Variants in SLC25A13 observed in about 807,000 individuals in gnomAD.
The protein encoded by SLC25A13 is electrogenic aspartate/glutamate antiporter SLC25A13, mitochondrial.
Under a neutral mutation model 85.5 loss-of-function variants are expected in SLC25A13, and 70 were observed. The ratio of observed to expected loss-of-function variants is 0.82; its 90% CI spans 0.68 to 1.00. The LOEUF is 1.00. Among genes scored for constraint, SLC25A13 ranks in the 50% least tolerant of loss-of-function variants. The probability of loss-of-function intolerance (pLI) is 0.00; values close to 1 mark genes in which losing one functional copy is unlikely to be tolerated. For missense variants in SLC25A13, 765 were observed against 819.8 expected, an observed-to-expected ratio of 0.93 and a Z score of 0.82; for synonymous variants, 259 against 288.7, an observed-to-expected ratio of 0.90 and a Z score of 1.04.
chr7:96,303,101 T>G (rs774138510), intron 1 of SLC25A13, among the ~76,000 whole-genome samples: 1 of 152,122 alleles, frequency 6.6e-6, no homozygotes, highest in East Asian at 1.9e-4. Context: ...GAAATTACCA[T>G]GTGTGGGTGG....
In SLC25A13 at chr7:96,296,895, G is replaced by A; in HGVS notation, c.69+3C>T. ...GAAACAAAATAGATTCCTTTATACT[G>A]ACCTTCAAAAATATTGTTCTAAGCT... On this transcript the variant is annotated splice_donor_region_variant and intron_variant, in intron 2 of 17. Coordinates refer to ENST00000265631, the MANE Select transcript of SLC25A13 (RefSeq NM_014251.3). The A allele has an allele frequency of 1.2e-6, 2 of 1,611,884 alleles. No individual in the cohort carries two copies. Among genetic ancestry groups the A allele is most frequent in the Non-Finnish European group, 1.7e-6 (2 of 1,178,148 alleles).
At chr7:96,121,566 T>A in intron 17 of SLC25A13, 89 bp downstream of exon 17, 1 of 1,436,294 alleles carries the variant, frequency 7.0e-7, no homozygotes, top group Non-Finnish European at 9.8e-7. Context: ...TCTATTTTAT[T>A]ATAGAGACTA....
At chr7:96,190,250 A>G (rs1794794022) in intron 7 of SLC25A13, among the ~76,000 whole-genome samples, 1 of 151,888 alleles carries the variant, frequency 6.6e-6, no homozygotes, top group South Asian at 2.1e-4. Flanking sequence ...ATGCCCTGCT[A>G]ATTTTTTTAT....
intron 13 of SLC25A13, among the ~76,000 whole-genome samples, chr7:96,166,675 A>C (rs1584399822): frequency 6.6e-6 from 1 of 152,260 alleles, no homozygotes; most frequent in Middle Eastern, 3.4e-3. Context: ...TACATACATT[A>C]TTTTTTATTT....
At chr7:96,298,063 A>C (rs1470717332) in intron 1 of SLC25A13, among the ~76,000 whole-genome samples, 1 of 152,194 alleles carries the variant, frequency 6.6e-6, no homozygotes, top group Non-Finnish European at 1.5e-5. Context: ...AAACATCATG[A>C]GACTGGGTTC....
At chr7:96,226,701 C>T (rs1016482339) in intron 4 of SLC25A13, among the ~76,000 whole-genome samples, 4 of 151,824 alleles carry the variant, frequency 2.6e-5, no homozygotes, top group Admixed American at 2.6e-4. Flanking sequence ...TGTTGACATT[C>T]GAAACACTAA....
At chr7:96,272,749 A>T (rs1395800874) in intron 3 of SLC25A13, among the ~76,000 whole-genome samples, 1 of 152,240 alleles carries the variant, frequency 6.6e-6, no homozygotes, top group Non-Finnish European at 1.5e-5. Context: ...TTATGTTGAT[A>T]AAAAAGATTA....
intron 17 of SLC25A13, 32 bp from the exon 18 acceptor site, chr7:96,121,409 T>C (rs777519947): frequency 4.3e-6 from 7 of 1,611,786 alleles, no homozygotes; most frequent in Admixed American, 3.3e-5. Context: ...TAAGAAGCTG[T>C]ATTTTTTGTT....
At chr7:96,287,248 C>T (rs1037254285) in intron 2 of SLC25A13, among the ~76,000 whole-genome samples, 3 of 152,158 alleles carry the variant, frequency 2.0e-5, no homozygotes, top group Non-Finnish European at 2.9e-5. Flanking sequence ...ACTATCCAGG[C>T]CTGGTGAGAT....
intron 9 of SLC25A13, among the ~76,000 whole-genome samples, chr7:96,185,990 T>C (rs532711016): frequency 6.6e-6 from 1 of 152,198 alleles, no homozygotes; most frequent in Non-Finnish European, 1.5e-5. Flanking sequence ...TTTTGGTTTG[T>C]ATGTATTTTT....
intron 5 of SLC25A13, among the ~76,000 whole-genome samples, chr7:96,207,271 C>A: frequency 6.6e-6 from 1 of 152,024 alleles, no homozygotes; most frequent in East Asian, 1.9e-4. Flanking sequence ...CATAATAATA[C>A]CATGAAAATT....
chr7:96,293,203 T>C (rs1799196821), intron 2 of SLC25A13, among the ~76,000 whole-genome samples: 1 of 152,090 alleles, frequency 6.6e-6, no homozygotes, highest in Non-Finnish European at 1.5e-5. Flanking sequence ...TAACAAATGG[T>C]ACTGGGAAAA....
At chr7:96,295,947 G>A (rs1799331937) in intron 2 of SLC25A13, among the ~76,000 whole-genome samples, 1 of 151,558 alleles carries the variant, frequency 6.6e-6, no homozygotes, top group South Asian at 2.1e-4. Flanking sequence ...TTTCTTTTCT[G>A]AGTACTTTAA....
chr7:96,318,861 C>A (rs2117042718), intron 1 of SLC25A13, among the ~76,000 whole-genome samples: 1 of 152,324 alleles, frequency 6.6e-6, no homozygotes, highest in Non-Finnish European at 1.5e-5. Context: ...CCCAGAGTCT[C>A]AGCCCAATTT....
chr7:96,157,323 A>C (rs1793317730), intron 13 of SLC25A13, among the ~76,000 whole-genome samples: 1 of 152,104 alleles, frequency 6.6e-6, no homozygotes, highest in African/African-American at 2.4e-5. Flanking sequence ...TCTGCAAAAA[A>C]ACCAAACTGT....
At chr7:96,179,659 G>T (rs1397993108) in intron 11 of SLC25A13, among the ~76,000 whole-genome samples, 2 of 152,122 alleles carry the variant, frequency 1.3e-5, no homozygotes, top group Non-Finnish European at 2.9e-5. Flanking sequence ...ATAGCTTAAT[G>T]CTCTAAATGA....
At chr7:96,243,110 C>T (rs1307253202) in intron 3 of SLC25A13, among the ~76,000 whole-genome samples, 6 of 152,118 alleles carry the variant, frequency 3.9e-5, no homozygotes, top group African/African-American at 1.2e-4. Flanking sequence ...GGATTACAGG[C>T]GTGCGCCACC....
At chr7:96,130,173 G>A (rs1001710318) in intron 15 of SLC25A13, among the ~76,000 whole-genome samples, 1 of 152,042 alleles carries the variant, frequency 6.6e-6, no homozygotes, top group Non-Finnish European at 1.5e-5. Context: ...AGACAGAATC[G>A]TTTCTGGGTA....
At chr7:96,275,432 A>T (rs1323718473) in intron 3 of SLC25A13, among the ~76,000 whole-genome samples, 6 of 152,216 alleles carry the variant, frequency 3.9e-5, no homozygotes, top group African/African-American at 1.4e-4. Context: ...AGACACATGC[A>T]CACGTATGTT....
Sources: gnomAD v4.1 joint callset for allele counts (sites outside exome capture counted in the v4.1 genomes callset) on GRCh38, gnomAD v4.1.1 for gene constraint, MANE v1.5 for transcripts, NCBI Gene and HGNC (gene_info 2026-07-23, HGNC 2026-07-21) for gene names.